RGPD2: variants seen among roughly 807,000 people sequenced by gnomAD.
RGPD2 encodes RANBP2 like and GRIP domain containing 2, also known as RANBP2-like and GRIP domain-containing protein 2.
Under a neutral mutation model 36.0 loss-of-function variants are expected in RGPD2, and 2 were observed. That is an observed-to-expected ratio of 0.06 (90% confidence interval 0.02 to 0.17). RGPD2 has a LOEUF of 0.17. Among genes scored for constraint, RGPD2 ranks in the 10% least tolerant of loss-of-function variants. The pLI, the probability that RGPD2 is intolerant of heterozygous loss-of-function variation, is 1.00. For missense variants in RGPD2, 40 were observed against 464.3 expected, an observed-to-expected ratio of 0.09 and a Z score of 8.40; for synonymous variants, 19 against 163.8, an observed-to-expected ratio of 0.12 and a Z score of 6.75.
At chr2:87,869,077 A>T in the RGPD2 span, among the ~76,000 whole-genome samples, 2 of 152,144 alleles carry the variant, frequency 1.3e-5, no homozygotes, top group African/African-American at 2.4e-5. Context: ...TATAAACTCA[A>T]GTTTAAGGTA....
chr2:87,974,560 C>T, the RGPD2 span, among the ~76,000 whole-genome samples: 2 of 152,184 alleles, frequency 1.3e-5, no homozygotes, highest in Admixed American at 6.5e-5. Flanking sequence ...GACACACATA[C>T]CTTGAGTGGT....
the RGPD2 span, among the ~76,000 whole-genome samples, chr2:87,951,411 G>T: frequency 6.6e-6 from 1 of 152,020 alleles, no homozygotes; most frequent in Non-Finnish European, 1.5e-5. Context: ...TGTAGACAGA[G>T]AGAACCCCTG....
At chr2:87,988,750 A>G in the RGPD2 span, among the ~76,000 whole-genome samples, 23 of 151,820 alleles carry the variant, frequency 1.5e-4, no homozygotes, top group East Asian at 1.2e-3. Context: ...CACGTTGGCC[A>G]GGCTGGTCTC....
At chr2:87,979,875 C>CAA in the RGPD2 span, among the ~76,000 whole-genome samples, 19 of 115,058 alleles carry the variant, frequency 1.7e-4, no homozygotes, top group East Asian at 2.5e-4. Flanking sequence ...GACTCCGTCT[C>CAA]AAAAAAAAAA....
the RGPD2 span, among the ~76,000 whole-genome samples, chr2:87,916,902 C>A: frequency 4.0e-5 from 6 of 151,876 alleles, 1 homozygote; most frequent in African/African-American, 1.5e-4. Flanking sequence ...TTTAAAATGT[C>A]AGAAGAAAAT....
At chr2:87,886,968 T>C in the RGPD2 span, among the ~76,000 whole-genome samples, 21 of 151,824 alleles carry the variant, frequency 1.4e-4, no homozygotes, top group Non-Finnish European at 2.2e-4. Flanking sequence ...ACCCGAGAGC[T>C]TGTGCTTAGA....
chr2:87,876,148 C>A, the RGPD2 span, among the ~76,000 whole-genome samples: 1 of 149,372 alleles, frequency 6.7e-6, no homozygotes, highest in East Asian at 1.9e-4. Flanking sequence ...TATTTTATTT[C>A]TCTTAAAAAA....
At chr2:87,854,844 A>C in the RGPD2 span, among the ~76,000 whole-genome samples, 1 of 152,266 alleles carries the variant, frequency 6.6e-6, no homozygotes, top group Non-Finnish European at 1.5e-5. Context: ...ATTCCTGTGC[A>C]GTTATTTCCC....
Position 87,825,416 on chromosome 2 carries a change from G to GGCCGCC in RGPD2, c.72+236_72+241dup, listed in dbSNP as rs1306325278. On this transcript the variant is annotated intron_variant, in intron 1 of 22. Coordinates refer to ENST00000398146, the MANE Select transcript of RGPD2 (RefSeq NM_001078170.3). ...CGCCGCCCGGCCAGGCCGAGGCCGA[G>GGCCGCC]GCCGCCGCCGCCGCCGCCGCCGCCG... is the stretch of plus-strand genomic sequence containing the variant. Among the ~76,000 whole-genome samples, 117 of 96,174 alleles carry GGCCGCC rather than the reference G, an allele frequency of 1.2e-3. 4 individuals are homozygous for GGCCGCC. Among genetic ancestry groups the GGCCGCC allele is most frequent in the East Asian group, 4.2e-3 (14 of 3,352 alleles). The allele number at this position is 96,174 out of a possible 152,430, so 63.1% of individuals were successfully genotyped here. A position where few individuals can be genotyped will look rare whatever the true frequency, so the allele number is the denominator to read the frequency against.
chr2:87,984,411 A>C, the RGPD2 span, among the ~76,000 whole-genome samples: 1 of 151,748 alleles, frequency 6.6e-6, no homozygotes, highest in Non-Finnish European at 1.5e-5. Context: ...ACAAGGTACA[A>C]TTATTAGCTA....
chr2:87,879,529 T>C, the RGPD2 span, among the ~76,000 whole-genome samples: 1 of 118,932 alleles, frequency 8.4e-6, no homozygotes, highest in Non-Finnish European at 1.7e-5. Flanking sequence ...AGTTCAACTG[T>C]TTTAGTTTCT....
the RGPD2 span, among the ~76,000 whole-genome samples, chr2:87,988,671 G>C: frequency 6.6e-6 from 1 of 151,114 alleles, no homozygotes; most frequent in Non-Finnish European, 1.5e-5. Flanking sequence ...CTCCCAAGTA[G>C]CTGAGATTAC....
At chr2:87,872,059 A>C in the RGPD2 span, among the ~76,000 whole-genome samples, 33 of 145,902 alleles carry the variant, frequency 2.3e-4, no homozygotes, top group African/African-American at 8.3e-4. Flanking sequence ...GAGTGGAAAA[A>C]ACTTGTTTAG....
chr2:87,857,844 T>C, the RGPD2 span, among the ~76,000 whole-genome samples: 1 of 151,842 alleles, frequency 6.6e-6, no homozygotes, highest in Non-Finnish European at 1.5e-5. Flanking sequence ...CATATGTACA[T>C]TCACTTTAAG....
intron 1 of RGPD2, among the ~76,000 whole-genome samples, chr2:87,824,780 G>GCC (rs1686585180): frequency 1.1e-4 from 4 of 35,094 alleles, no homozygotes; most frequent in Admixed American, 9.6e-4. Flanking sequence ...CGGCCAGGCC[G>GCC]AGGCCGAGGC....
the RGPD2 span, among the ~76,000 whole-genome samples, chr2:87,877,804 C>CAAAAAAAAAAAAAAAAAAAA: frequency 1.1e-4 from 9 of 84,420 alleles, no homozygotes; most frequent in Admixed American, 3.2e-4. Context: ...GACTCCGTCT[C>CAAAAAAAAAAAAAAAAAAAA]AAAAAAAAAA....
the RGPD2 span, among the ~76,000 whole-genome samples, chr2:87,875,476 C>G: frequency 2.6e-5 from 4 of 152,172 alleles, no homozygotes; most frequent in African/African-American, 9.7e-5. Flanking sequence ...TGTTTTTTGT[C>G]TTTTGTTCTG....
At chr2:87,919,089 G>A in the RGPD2 span, among the ~76,000 whole-genome samples, 7 of 150,036 alleles carry the variant, frequency 4.7e-5, no homozygotes, top group Admixed American at 4.7e-4. Flanking sequence ...CAAGGGTGGT[G>A]GCAGTTACCT....
chr2:87,914,296 A>G, the RGPD2 span, among the ~76,000 whole-genome samples: 5 of 97,158 alleles, frequency 5.1e-5, no homozygotes, highest in African/African-American at 1.6e-4. Flanking sequence ...ATTGTAAATT[A>G]ATAATGATGT....
Sources: allele counts gnomAD v4.1 joint callset (sites outside exome capture counted in the v4.1 genomes callset), GRCh38; gene constraint gnomAD v4.1.1; transcripts MANE v1.5; gene names NCBI Gene and HGNC (gene_info 2026-07-23, HGNC 2026-07-21).